COG1: variants seen among roughly 807,000 people sequenced by gnomAD.
COG1 encodes the protein conserved oligomeric Golgi complex subunit 1.
In COG1, 61 loss-of-function variants were observed where a neutral mutation model predicts 102.2. That is an observed-to-expected ratio of 0.60 (90% CI 0.49 to 0.74). The LOEUF (loss-of-function observed/expected upper bound fraction) is 0.74. Ranked by LOEUF, COG1 falls within the 30% of genes least tolerant of loss-of-function variation. COG1 has a pLI of 0.00. For missense variants in COG1, 1,164 were observed against 1,232.1 expected, an observed-to-expected ratio of 0.94 and a Z score of 0.83; for synonymous variants, 454 against 493.6, an observed-to-expected ratio of 0.92 and a Z score of 1.06.
At chr17:73,202,025 C>G in intron 7 of COG1, 125 bp downstream of exon 7, 4 of 1,077,176 alleles carry the variant, frequency 3.7e-6, no homozygotes, top group Non-Finnish European at 5.5e-6. Flanking sequence ...TTAACTTTAT[C>G]TCTGCCAGAA....
intron 9 of COG1, chr17:73,205,298 TA>T (rs1352966934): frequency 2.1e-6 from 1 of 483,572 alleles, no homozygotes; most frequent in Non-Finnish European, 3.8e-6. Context: ...TTTTCCCCTT[TA>T]GAACAACCAT....
intron 11 of COG1, 100 bp from the exon 12 acceptor site, chr17:73,206,608 T>G: frequency 1.2e-6 from 1 of 812,628 alleles, no homozygotes; most frequent in Non-Finnish European, 2.1e-6. Flanking sequence ...AAAATGACAG[T>G]TAGAAATACG....
At chr17:73,195,347 C>T (rs899600439) in intron 1 of COG1, among the ~76,000 whole-genome samples, 2 of 152,154 alleles carry the variant, frequency 1.3e-5, no homozygotes, top group South Asian at 2.1e-4. Context: ...ACAGGTCAGG[C>T]GCTGTGGCTC....
intron 1 of COG1, 166 bp from the exon 2 acceptor site, chr17:73,196,341 T>G: frequency 9.9e-7 from 1 of 1,012,766 alleles, no homozygotes; most frequent in Non-Finnish European, 1.5e-6. Flanking sequence ...CTCCTGACTC[T>G]GGCAACTCTT....
At chr17:73,197,499 A>C in intron 4 of COG1, 103 bp downstream of exon 4, 2 of 1,251,106 alleles carry the variant, frequency 1.6e-6, no homozygotes, top group Non-Finnish European at 2.3e-6. Context: ...GGGATGGAGC[A>C]GTGAACTGGA....
chr17:73,194,575 T>A (rs1407091414), intron 1 of COG1, among the ~76,000 whole-genome samples: 1 of 151,948 alleles, frequency 6.6e-6, no homozygotes, highest in East Asian at 1.9e-4. Context: ...GCGATTCTCC[T>A]GCCTCAGCCA....
chr17:73,205,616 C>T lies in COG1; in HGVS notation c.2446C>T (p.Leu816Phe). 6.2e-7 allele frequency: 1 copy of T among 1,614,130 alleles called. No individual in the cohort carries two copies. Among genetic ancestry groups the T allele is most frequent in the Non-Finnish European group, 8.5e-7 (1 of 1,180,018 alleles). The change falls in exon 10 of 14, where the codon CTC becomes TTC. Residue 816 changes from leucine to phenylalanine, a missense_variant. Transcript: ENST00000299886. ...ALQLLYDLRY[L>F]NIVLTAKGDE... is the part of the protein sequence containing the mutation. ...GCAGCTGCTTTATGATCTGCGTTAC[C>T]TCAACATTGTTCTGACAGCCAAGGG...
Position 73,201,654 on chromosome 17 carries a change from C to G in COG1, c.1827C>G (p.His609Gln). The G allele has an allele frequency of 6.2e-7, 1 of 1,614,254 alleles. No homozygotes were observed. Among genetic ancestry groups the G allele is most frequent in the Non-Finnish European group, 8.5e-7 (1 of 1,180,050 alleles). The change falls in exon 7 of 14, where the codon CAC becomes CAG. Residue 609 changes from histidine (H) to glutamine (Q), a missense_variant. Coordinates refer to ENST00000299886, the MANE Select transcript of COG1 (RefSeq NM_018714.3). ...QQDALNSAKL[H>Q]SVLFMARLCQ... ...ATGCCCTCAACAGTGCCAAGCTGCA[C>G]TCAGTTCTTTTCATGGCCAGACTCT...
At position 73,196,987 on chromosome 17, in the gene COG1, G is replaced by C; in HGVS notation, c.648G>C (p.Met216Ile). ...QAVAEALCSIMLLEESSPRQA... is the reference protein window; with the variant it reads ...QAVAEALCSIILLEESSPRQA... ...TGGCCGAGGCCCTGTGCTCTATAATGCTCTTAGAAGAGAGTTCTCCTCGCC... is the reference window on the plus strand; with the variant it reads ...TGGCCGAGGCCCTGTGCTCTATAATCCTCTTAGAAGAGAGTTCTCCTCGCC... Residue 216 changes from methionine (M) to isoleucine (I), a missense_variant, in exon 3 of 14, where the codon ATG (methionine) becomes ATC (isoleucine). Transcript: ENST00000299886. 1 of 1,614,214 alleles carries C rather than the reference G, an allele frequency of 6.2e-7. No individual in the cohort carries two copies. The highest frequency in any genetic ancestry group is 8.5e-7 in the Non-Finnish European group (1 of 1,180,046).
At chr17:73,205,822 C>G (rs1332454596) in intron 10 of COG1, 142 bp downstream of exon 10, 1 of 1,073,900 alleles carries the variant, frequency 9.3e-7, no homozygotes, top group African/African-American at 1.5e-5. Flanking sequence ...ATATTGCCAG[C>G]AAGTTAAATA....
intron 9 of COG1, 130 bp downstream of exon 9, chr17:73,203,923 C>T (rs1439669071): frequency 1.9e-6 from 2 of 1,037,404 alleles, no homozygotes; most frequent in Non-Finnish European, 2.9e-6. Flanking sequence ...GGCATCGGGT[C>T]CTGTAAAAAT....
chr17:73,208,260 G>A (rs2061393059), intron 13 of COG1, 54 bp from the exon 14 acceptor site: 2 of 1,611,060 alleles, frequency 1.2e-6, no homozygotes, highest in Admixed American at 3.3e-5. Flanking sequence ...GAGGGCGAGT[G>A]GGCAGGAGGG....
chr17:73,203,279 G>GCCCC, intron 8 of COG1, 133 bp downstream of exon 8: 3 of 1,169,470 alleles, frequency 2.6e-6, no homozygotes, highest in Non-Finnish European at 3.7e-6. Context: ...TACTGTGGGG[G>GCCCC]CATAGTAGAT....
Position 73,200,626 on chromosome 17 carries a change from G to A in COG1, c.1131G>A (p.Lys377=), listed in dbSNP as rs1272542175. Residue 377 remains lysine (K), a synonymous_variant, in exon 6 of 14, where the codon AAG becomes AAA. Coordinates refer to ENST00000299886, the MANE Select transcript of COG1 (RefSeq NM_018714.3). ...TGCTCATGTACGTGAAGAGCATGAAGGGTCTCGCGGGAATCCGGGACGCCA... is the reference window on the plus strand; with the variant it reads ...TGCTCATGTACGTGAAGAGCATGAAAGGTCTCGCGGGAATCCGGGACGCCA... ...TNLLMYVKSM[K]GLAGIRDAMW... 1.2e-6 allele frequency: 2 copies of A among 1,614,090 alleles called. No homozygotes were observed. Among genetic ancestry groups the A allele is most frequent in the African/African-American group, 1.3e-5 (1 of 74,930 alleles).
intron 11 of COG1, 35 bp from the exon 12 acceptor site, chr17:73,206,673 A>G (rs1392135670): frequency 3.1e-6 from 4 of 1,309,000 alleles, no homozygotes; most frequent in Non-Finnish European, 3.3e-6. Flanking sequence ...TTTTACCTGC[A>G]CAATGAAACC....
Position 73,200,598 on chromosome 17 carries a change from A to C in COG1, c.1103A>C (p.Asn368Thr), listed in dbSNP as rs781144941. The C allele has an allele frequency of 3.7e-6, 6 of 1,614,064 alleles. No individual in the cohort carries two copies. The highest frequency in any genetic ancestry group is 5.1e-6 in the Non-Finnish European group (6 of 1,180,034). Residue 368 changes from asparagine (N) to threonine (T), a missense_variant, in exon 6 of 14, where the codon AAC becomes ACC. Coordinates refer to ENST00000299886, the MANE Select transcript of COG1 (RefSeq NM_018714.3). ...GAAGACATTAAAAATGGGATCACCA[A>C]CCTGCTCATGTACGTGAAGAGCATG... ...CNEDIKNGIT[N>T]LLMYVKSMKG...
chr17:73,203,539 C>A, intron 8 of COG1, 93 bp from the exon 9 acceptor site: 1 of 1,479,158 alleles, frequency 6.8e-7, no homozygotes, highest in Non-Finnish European at 9.4e-7. Flanking sequence ...AAAGTCCTGG[C>A]ACATAGGCCT....
intron 4 of COG1, 118 bp downstream of exon 4, chr17:73,197,514 T>C (rs1046950198): frequency 1.3e-5 from 14 of 1,070,398 alleles, no homozygotes; most frequent in Non-Finnish European, 2.0e-5. Flanking sequence ...ACTGGACAAA[T>C]AGAGGCCCTT....
At chr17:73,200,301 T>C (rs1335879204) in intron 5 of COG1, among the ~76,000 whole-genome samples, 1 of 152,222 alleles carries the variant, frequency 6.6e-6, no homozygotes, top group Non-Finnish European at 1.5e-5. Context: ...ACTTAATGCA[T>C]TGTTTTTTTA....
Sources: gnomAD v4.1 joint callset for allele counts (sites outside exome capture counted in the v4.1 genomes callset) on GRCh38, gnomAD v4.1.1 for gene constraint, MANE v1.5 for transcripts, NCBI Gene and HGNC (gene_info 2026-07-23, HGNC 2026-07-21) for gene names.